IDO2: variants seen among roughly 807,000 people sequenced by gnomAD.
IDO2 encodes the protein indoleamine 2,3-dioxygenase-like 1 protein.
IDO2 carries 46 observed loss-of-function variants against 45.1 expected under a neutral mutation model. That is an observed-to-expected ratio of 1.02 (90% CI 0.80 to 1.30). The LOEUF (loss-of-function observed/expected upper bound fraction) is 1.30, where lower values mean the gene tolerates loss of function less well. Among genes scored for constraint, IDO2 ranks in the 50% most tolerant of loss-of-function variants. The pLI is 0.00. For missense variants in IDO2, 544 were observed against 491.8 expected (o/e 1.11, Z -1.00); for synonymous variants, 218 against 184.9 (o/e 1.18, Z -1.45).
chr8:39,991,761 G>A (rs1801933089), intron 8 of IDO2, among the ~76,000 whole-genome samples: 2 of 152,022 alleles, frequency 1.3e-5, no homozygotes, highest in Admixed American at 6.6e-5. Flanking sequence ...AGTAGAGATG[G>A]GGTTTCGCCA....
chr8:39,969,365 G>A (rs1190300160), intron 3 of IDO2, among the ~76,000 whole-genome samples: 1 of 152,028 alleles, frequency 6.6e-6, no homozygotes, highest in African/African-American at 2.4e-5. Context: ...CGTTTTGAAG[G>A]TGCCATAAAC....
At chr8:39,965,513 A>C (rs1005735374) in intron 3 of IDO2, among the ~76,000 whole-genome samples, 1 of 104,656 alleles carries the variant, frequency 9.6e-6, no homozygotes, top group Non-Finnish European at 2.3e-5. Flanking sequence ...CAAACAAACA[A>C]ATATATATAT....
intron 5 of IDO2, among the ~76,000 whole-genome samples, chr8:39,983,190 T>C (rs1808378624): frequency 6.6e-6 from 1 of 152,140 alleles, no homozygotes; most frequent in Non-Finnish European, 1.5e-5. Context: ...TCCAGGTGGG[T>C]TGGATTGAGA....
chr8:39,962,067 C>A (rs1288690970), intron 2 of IDO2, among the ~76,000 whole-genome samples: 1 of 152,204 alleles, frequency 6.6e-6, no homozygotes, highest in Non-Finnish European at 1.5e-5. Flanking sequence ...ACAAATGAGA[C>A]AGGCTGGGTG....
At chr8:39,983,195 T>C (rs912203175) in intron 5 of IDO2, among the ~76,000 whole-genome samples, 3 of 152,214 alleles carry the variant, frequency 2.0e-5, no homozygotes, top group Non-Finnish European at 4.4e-5. Flanking sequence ...GTGGGTTGGA[T>C]TGAGAATTTG....
intron 8 of IDO2, among the ~76,000 whole-genome samples, chr8:39,995,775 A>G (rs2543076): frequency 0.56 from 85,466 of 151,904 alleles, 24,207 homozygotes; most frequent in South Asian, 0.59. Context: ...ACCAGGCCAT[A>G]CAGAGATAGG....
chr8:39,980,787 T>A (rs983623095), intron 4 of IDO2, among the ~76,000 whole-genome samples: 1 of 152,196 alleles, frequency 6.6e-6, no homozygotes, highest in African/African-American at 2.4e-5. Context: ...TTCACTCTTG[T>A]CGCCCAGGCT....
At chr8:39,940,888 TAAG>T (rs1453203127) in intron 1 of IDO2, among the ~76,000 whole-genome samples, 1 of 149,510 alleles carries the variant, frequency 6.7e-6, no homozygotes, top group East Asian at 2.0e-4. Flanking sequence ...ATGCAACTCT[TAAG>T]TATATACCAT....
intron 4 of IDO2, among the ~76,000 whole-genome samples, chr8:39,981,565 G>A (rs118098107): frequency 1.8e-4 from 28 of 152,044 alleles, no homozygotes; most frequent in African/African-American, 4.8e-4. Flanking sequence ...CCACCACCCC[G>A]CCTCAGATCA....
At chr8:39,939,480 G>C (rs1414143687) in intron 1 of IDO2, among the ~76,000 whole-genome samples, 5 of 148,214 alleles carry the variant, frequency 3.4e-5, no homozygotes, top group Non-Finnish European at 7.4e-5. Context: ...CCGGGAGGCG[G>C]AGGCTGCAGT....
chr8:39,993,139 A>G (rs1401028562), intron 8 of IDO2, among the ~76,000 whole-genome samples: 2 of 152,116 alleles, frequency 1.3e-5, no homozygotes, highest in African/African-American at 2.4e-5. Flanking sequence ...GCTGCTTTCC[A>G]GCGACTCAGC....
chr8:40,004,902 A>G (rs138734891), intron 8 of IDO2, among the ~76,000 whole-genome samples: 339 of 152,324 alleles, frequency 2.2e-3, no homozygotes, highest in African/African-American at 7.8e-3. Context: ...TCCTTCACTG[A>G]ATATTCAGAC....
At chr8:39,965,164 T>C (rs1054215289) in intron 3 of IDO2, among the ~76,000 whole-genome samples, 6 of 152,222 alleles carry the variant, frequency 3.9e-5, no homozygotes, top group East Asian at 1.9e-4. Flanking sequence ...TGGCTAAAAT[T>C]GAGTGTGAAA....
intron 8 of IDO2, among the ~76,000 whole-genome samples, chr8:39,998,947 G>T (rs1802093747): frequency 1.3e-5 from 2 of 151,580 alleles, no homozygotes; most frequent in South Asian, 4.2e-4. Context: ...CCAGCCCCAT[G>T]TTAATGCTTC....
chr8:39,966,992 T>C (rs1808094255), intron 3 of IDO2, among the ~76,000 whole-genome samples: 1 of 152,162 alleles, frequency 6.6e-6, no homozygotes, highest in South Asian at 2.1e-4. Context: ...TGAAAGCTGA[T>C]ATATAAAAAG....
chr8:39,943,342 G>C (rs1807676452), intron 1 of IDO2, among the ~76,000 whole-genome samples: 1 of 152,126 alleles, frequency 6.6e-6, no homozygotes, highest in Non-Finnish European at 1.5e-5. Flanking sequence ...CTGTACTCCA[G>C]TCTGGATGAC....
chr8:39,976,400 A>T (rs1291966093), intron 3 of IDO2, among the ~76,000 whole-genome samples: 3 of 152,308 alleles, frequency 2.0e-5, no homozygotes, highest in Non-Finnish European at 4.4e-5. Context: ...TATTACAATC[A>T]ATGAGAGGTA....
At chr8:39,955,296 C>A (rs2543084) in intron 2 of IDO2, among the ~76,000 whole-genome samples, 1 of 136,154 alleles carries the variant, frequency 7.3e-6, no homozygotes, top group East Asian at 2.1e-4. Context: ...CTCTTGTTGC[C>A]TAGGCTGGAG....
intron 3 of IDO2, among the ~76,000 whole-genome samples, chr8:39,967,959 G>GCC (rs1808115985): frequency 6.6e-6 from 1 of 151,758 alleles, no homozygotes; most frequent in South Asian, 2.1e-4. Flanking sequence ...ATGAAACATA[G>GCC]ATTTACCATG....
Sources: allele counts gnomAD v4.1 joint callset (sites outside exome capture counted in the v4.1 genomes callset), GRCh38; gene constraint gnomAD v4.1.1; transcripts MANE v1.5; gene names NCBI Gene and HGNC (gene_info 2026-07-23, HGNC 2026-07-21).